Variants in SERHL2 observed in about 807,000 individuals in gnomAD.
SERHL2 encodes serine hydrolase-like protein 2.
In SERHL2, 29 loss-of-function variants were observed where a neutral mutation model predicts 25.5. The ratio of observed to expected loss-of-function variants is 1.14; its 90% CI spans 0.85 to 1.55. The LOEUF is 1.55. SERHL2 is among the 40% of genes most tolerant of loss of function. SERHL2 has a pLI of 0.00. For synonymous variants in SERHL2, 95 were observed against 103.5 expected, an observed-to-expected ratio of 0.92 and a Z score of 0.50; for missense variants, 240 against 252.3, an observed-to-expected ratio of 0.95 and a Z score of 0.33.
At chr22:42,554,339 G>A (rs2146659831) in intron 1 of SERHL2, among the ~76,000 whole-genome samples, 1 of 152,122 alleles carries the variant, frequency 6.6e-6, no homozygotes, top group South Asian at 2.1e-4. Context: ...GCTGCCAGAT[G>A]TGGGGGCGGT....
intron 8 of SERHL2, among the ~76,000 whole-genome samples, chr22:42,561,031 G>C (rs1466073284): frequency 6.6e-6 from 1 of 151,962 alleles, no homozygotes; most frequent in African/African-American, 2.4e-5. Flanking sequence ...GTGCACAAAT[G>C]GCGCCCCCTG....
intron 8 of SERHL2, among the ~76,000 whole-genome samples, chr22:42,564,500 C>T (rs552057986): frequency 6.6e-5 from 10 of 151,384 alleles, no homozygotes; most frequent in East Asian, 1.9e-4. Flanking sequence ...GGCACAATCT[C>T]GGCTCACCGC....
rs1477184118 is a variant in SERHL2 at position 42,560,282 on chromosome 22, T to TC, written c.613+19dup. ...TGGCCACAGGTAAGGGACTCTACTGTCCAAGGCCATTTTATATTTGTCACT... is the reference window on the plus strand; with the variant it reads ...TGGCCACAGGTAAGGGACTCTACTGTCCCAAGGCCATTTTATATTTGTCACT... On this transcript the variant is annotated intron_variant, in intron 8 of 11. Transcript: ENST00000327678. The TC allele has an allele frequency of 6.4e-7, 1 of 1,569,618 alleles. No individual in the cohort carries two copies. Among genetic ancestry groups the TC allele is most frequent in the Non-Finnish European group, 8.8e-7 (1 of 1,139,496 alleles).
chr22:42,559,230 A>T lies in SERHL2; in HGVS notation c.533+773A>T, dbSNP rs1200561970. On this transcript the variant is annotated intron_variant, in intron 7 of 11. Transcript: ENST00000327678. ...AGCGAGATAGCGAGACCCTGTATTTAAAAAAAAAAAAAAAAAAAAAAAAAA... is the reference window on the plus strand; with the variant it reads ...AGCGAGATAGCGAGACCCTGTATTTTAAAAAAAAAAAAAAAAAAAAAAAAA... Among the ~76,000 whole-genome samples, 318 of 43,016 alleles carry T rather than the reference A, an allele frequency of 7.4e-3. 5 individuals carry two copies. Among genetic ancestry groups the T allele is most frequent in the Admixed American group, 0.014 (50 of 3,590 alleles). 28.2% of individuals were successfully genotyped at this position (43,016 alleles called of 152,430 possible). A position where few individuals can be genotyped will look rare whatever the true frequency, so the allele number is the denominator to read the frequency against.
At chr22:42,568,473 A>C (rs1923712832) in intron 9 of SERHL2, among the ~76,000 whole-genome samples, 1 of 151,804 alleles carries the variant, frequency 6.6e-6, no homozygotes, top group African/African-American at 2.4e-5. Flanking sequence ...GCTTTTGGAG[A>C]TGCCCCCTTC....
intron 9 of SERHL2, among the ~76,000 whole-genome samples, chr22:42,567,084 C>A (rs371549145): frequency 6.6e-6 from 1 of 152,114 alleles, no homozygotes; most frequent in Non-Finnish European, 1.5e-5. Flanking sequence ...ACAGTGCTGT[C>A]GCTTCAGGTG....
At chr22:42,563,025 C>A (rs1350060393) in intron 8 of SERHL2, among the ~76,000 whole-genome samples, 2 of 151,622 alleles carry the variant, frequency 1.3e-5, no homozygotes, top group Non-Finnish European at 2.9e-5. Context: ...GAGACACCCC[C>A]ATCTCTACAA....
chr22:42,559,743 A>G (rs535526844), intron 7 of SERHL2, among the ~76,000 whole-genome samples: 1 of 151,790 alleles, frequency 6.6e-6, no homozygotes, highest in Non-Finnish European at 1.5e-5. Context: ...AGAAAAAAAA[A>G]TCACGAGACA....
chr22:42,556,424 G>A, intron 5 of SERHL2, 90 bp from the exon 6 acceptor site: 1 of 1,504,166 alleles, frequency 6.6e-7, no homozygotes, highest in Non-Finnish European at 9.0e-7. Context: ...CCTAAAAGAT[G>A]TTTCGGGGAA....
intron 8 of SERHL2, among the ~76,000 whole-genome samples, chr22:42,563,025 C>G (rs1350060393): frequency 6.6e-6 from 1 of 151,622 alleles, no homozygotes; most frequent in African/African-American, 2.4e-5. Context: ...GAGACACCCC[C>G]ATCTCTACAA....
intron 8 of SERHL2, chr22:42,564,963 C>CGCGT (rs1923155269): frequency 1.4e-5 from 2 of 143,980 alleles, no homozygotes; most frequent in African/African-American, 5.4e-5. Context: ...ATGCTCGGCG[C>CGCGT]GCGCGTGTGT....
chr22:42,568,449 T>C (rs1280512395), intron 9 of SERHL2, among the ~76,000 whole-genome samples: 2 of 151,870 alleles, frequency 1.3e-5, no homozygotes, highest in Non-Finnish European at 2.9e-5. Flanking sequence ...TATTGCCAGA[T>C]CCTAGTCAAT....
chr22:42,560,126 T>A (rs923701869), intron 7 of SERHL2, 60 bp from the exon 8 acceptor site: 28 of 1,360,412 alleles, frequency 2.1e-5, no homozygotes, highest in Non-Finnish European at 2.8e-5. Flanking sequence ...TCCTCTCCTT[T>A]TTATCTGACC....
At chr22:42,567,910 A>G (rs1484382353) in intron 9 of SERHL2, among the ~76,000 whole-genome samples, 1 of 151,160 alleles carries the variant, frequency 6.6e-6, no homozygotes, top group Non-Finnish European at 1.5e-5. Context: ...TTGTGTTTTT[A>G]GTGGAGATGG....
intron 11 of SERHL2, 48 bp from the exon 12 acceptor site, chr22:42,573,888 C>T: frequency 6.3e-7 from 1 of 1,581,808 alleles, no homozygotes; most frequent in Admixed American, 1.7e-5. Context: ...ATGGAGCTCC[C>T]TAGGCTCCTC....
intron 8 of SERHL2, among the ~76,000 whole-genome samples, chr22:42,562,187 C>A (rs1202416110): frequency 6.6e-6 from 1 of 151,712 alleles, no homozygotes; most frequent in Non-Finnish European, 1.5e-5. Context: ...CCAGCCAGAA[C>A]CCCCCACCCA....
At chr22:42,557,570 AAAAAAAAAAAAAAG>A (rs1922260949) in intron 6 of SERHL2, among the ~76,000 whole-genome samples, 1 of 69,572 alleles carries the variant, frequency 1.4e-5, no homozygotes, top group East Asian at 2.1e-4. Context: ...AAAAAAAAAA[AAAAAAAAAAAAAAG>A]AATGACGGCA....
chr22:42,559,956 C>T (rs955044717), intron 7 of SERHL2, among the ~76,000 whole-genome samples: 2 of 151,804 alleles, frequency 1.3e-5, no homozygotes, highest in Non-Finnish European at 2.9e-5. Flanking sequence ...GGATTACAGG[C>T]ACATGCCACC....
At chr22:42,563,653 T>C (rs1398571510) in intron 8 of SERHL2, among the ~76,000 whole-genome samples, 2 of 151,982 alleles carry the variant, frequency 1.3e-5, no homozygotes, top group African/African-American at 4.8e-5. Context: ...ACATTTGGCA[T>C]GGGGGGAATT....
Sources: allele counts gnomAD v4.1 joint callset (sites outside exome capture counted in the v4.1 genomes callset), GRCh38; gene constraint gnomAD v4.1.1; transcripts MANE v1.5; gene names NCBI Gene and HGNC (gene_info 2026-07-23, HGNC 2026-07-21).